Variants in WWOX observed in about 807,000 individuals in gnomAD.
WWOX encodes the protein WW domain-containing oxidoreductase.
A neutral mutation model predicts 46.2 loss-of-function variants in WWOX; 69 were observed. The ratio of observed to expected loss-of-function variants is 1.49; its 90% CI spans 1.23 to 1.82. The LOEUF (loss-of-function observed/expected upper bound fraction) is 1.82. Among genes scored for constraint, WWOX ranks in the 40% most tolerant of loss-of-function variants. WWOX has a pLI of 0.00. For missense variants in WWOX, 919 were observed against 542.6 expected (o/e 1.69, Z -6.89); for synonymous variants, 359 against 202.6 (o/e 1.77, Z -6.56).
chr16:78,314,717 T>TG (rs1567494622), intron 5 of WWOX, among the ~76,000 whole-genome samples: 2 of 129,908 alleles, frequency 1.5e-5, no homozygotes, highest in African/African-American at 5.8e-5. Flanking sequence ...TTTTTTTTTT[T>TG]TTTTCTGTAT....
intron 8 of WWOX, among the ~76,000 whole-genome samples, chr16:79,034,753 A>G (rs2047833057): frequency 6.6e-6 from 1 of 152,198 alleles, no homozygotes; most frequent in African/African-American, 2.4e-5. Context: ...GCCGTGCTCA[A>G]AGCACTTGCT....
At chr16:78,146,535 C>A (rs759608555) in intron 4 of WWOX, among the ~76,000 whole-genome samples, 1 of 152,114 alleles carries the variant, frequency 6.6e-6, no homozygotes. Context: ...CTGATCACAG[C>A]TGATGGTTAG....
At chr16:78,410,531 T>A (rs1345524109) in intron 6 of WWOX, among the ~76,000 whole-genome samples, 1 of 152,006 alleles carries the variant, frequency 6.6e-6, no homozygotes, top group Non-Finnish European at 1.5e-5. Flanking sequence ...AGCTGGGGGC[T>A]GGGCATGGTG....
At chr16:78,931,425 A>C (rs2045622086) in intron 8 of WWOX, among the ~76,000 whole-genome samples, 1 of 152,230 alleles carries the variant, frequency 6.6e-6, no homozygotes, top group Non-Finnish European at 1.5e-5. Context: ...TCCTCAGCAC[A>C]TAAAAGTTTG....
intron 5 of WWOX, among the ~76,000 whole-genome samples, chr16:78,288,305 A>G (rs1341872607): frequency 6.8e-6 from 1 of 147,768 alleles, no homozygotes; most frequent in Non-Finnish European, 1.5e-5. Flanking sequence ...ACATACATAT[A>G]TGAAATTCAT....
At chr16:78,588,912 A>T (rs897218897) in intron 8 of WWOX, among the ~76,000 whole-genome samples, 2 of 152,196 alleles carry the variant, frequency 1.3e-5, no homozygotes, top group African/African-American at 4.8e-5. Flanking sequence ...GGAACTTCTC[A>T]GGAAGAAGTG....
chr16:78,751,573 C>A (rs549481385), intron 8 of WWOX, among the ~76,000 whole-genome samples: 2 of 149,948 alleles, frequency 1.3e-5, no homozygotes, highest in African/African-American at 4.9e-5. Context: ...AAACAGTTTA[C>A]TAAAAATAAC....
chr16:78,791,602 G>A (rs904351816), intron 8 of WWOX, among the ~76,000 whole-genome samples: 1 of 152,144 alleles, frequency 6.6e-6, no homozygotes, highest in African/African-American at 2.4e-5. Context: ...GAAGGGCTGG[G>A]TGCGGTGGCT....
At chr16:78,937,436 T>C (rs945312654) in intron 8 of WWOX, among the ~76,000 whole-genome samples, 11 of 148,504 alleles carry the variant, frequency 7.4e-5, no homozygotes, top group Non-Finnish European at 1.5e-4. Context: ...GAGAACTTTG[T>C]ATTTGTATTA....
At chr16:78,208,310 C>T (rs375685975) in intron 5 of WWOX, among the ~76,000 whole-genome samples, 4 of 150,982 alleles carry the variant, frequency 2.6e-5, no homozygotes, top group Admixed American at 1.4e-4. Context: ...AATTCTTTGC[C>T]ATTCTGTCTC....
At chr16:78,871,726 A>G (rs1246995173) in intron 8 of WWOX, among the ~76,000 whole-genome samples, 2 of 152,162 alleles carry the variant, frequency 1.3e-5, no homozygotes, top group African/African-American at 4.8e-5. Context: ...CAGCCTTCCA[A>G]GCAGCTGGGA....
At chr16:78,904,079 G>T (rs1038640331) in intron 8 of WWOX, among the ~76,000 whole-genome samples, 1 of 152,072 alleles carries the variant, frequency 6.6e-6, no homozygotes, top group Non-Finnish European at 1.5e-5. Context: ...GTACAAAAGG[G>T]ATCAGGGTCC....
At chr16:78,704,607 G>A (rs1053099904) in intron 8 of WWOX, among the ~76,000 whole-genome samples, 1 of 152,168 alleles carries the variant, frequency 6.6e-6, no homozygotes, top group Non-Finnish European at 1.5e-5. Flanking sequence ...ATTTGCACAA[G>A]TGGTTAAAAT....
chr16:78,328,343 G>C, intron 5 of WWOX, among the ~76,000 whole-genome samples: 1 of 152,222 alleles, frequency 6.6e-6, no homozygotes, highest in South Asian at 2.1e-4. Context: ...CACCTCACTA[G>C]GGATATTTCA....
chr16:78,827,046 G>T (rs183318204), intron 8 of WWOX, among the ~76,000 whole-genome samples: 1 of 152,136 alleles, frequency 6.6e-6, no homozygotes, highest in Non-Finnish European at 1.5e-5. Flanking sequence ...TATAGATGGT[G>T]CAAGGGAACC....
chr16:78,554,931 G>A (rs1450292765), intron 8 of WWOX, among the ~76,000 whole-genome samples: 1 of 152,052 alleles, frequency 6.6e-6, no homozygotes, highest in African/African-American at 2.4e-5. Context: ...CATTAATTTT[G>A]CTGCATAGGC....
intron 8 of WWOX, among the ~76,000 whole-genome samples, chr16:78,844,396 C>T (rs1459923432): frequency 6.6e-6 from 1 of 152,064 alleles, no homozygotes; most frequent in Non-Finnish European, 1.5e-5. Flanking sequence ...TATTTTCCTG[C>T]CGTGTGGTAC....
intron 8 of WWOX, among the ~76,000 whole-genome samples, chr16:78,848,115 C>T (rs183566619): frequency 1.1e-3 from 170 of 152,250 alleles, no homozygotes; most frequent in African/African-American, 3.9e-3. Context: ...AGCCCATTCG[C>T]GGACTCAGAA....
At chr16:78,558,758 G>A (rs987502723) in intron 8 of WWOX, among the ~76,000 whole-genome samples, 1 of 152,204 alleles carries the variant, frequency 6.6e-6, no homozygotes, top group Non-Finnish European at 1.5e-5. Context: ...GAAAGGCCTG[G>A]CCTTTGTGTT....
Sources: gnomAD v4.1 joint callset for allele counts (sites outside exome capture counted in the v4.1 genomes callset) on GRCh38, gnomAD v4.1.1 for gene constraint, MANE v1.5 for transcripts, NCBI Gene and HGNC (gene_info 2026-07-23, HGNC 2026-07-21) for gene names.